The following PCBP3 variants were observed in gnomAD, a reference collection of about 807,000 sequenced individuals.
PCBP3 encodes poly(rC)-binding protein 3.
Under a neutral mutation model 52.7 loss-of-function variants are expected in PCBP3, and 25 were observed. That is an observed-to-expected ratio of 0.47 (90% CI 0.35 to 0.66). The LOEUF (loss-of-function observed/expected upper bound fraction) is 0.66. Among genes scored for constraint, PCBP3 ranks in the 30% least tolerant of loss-of-function variants. The probability of loss-of-function intolerance (pLI) is 0.01; values close to 1 mark genes in which losing one functional copy is unlikely to be tolerated. For missense variants in PCBP3, 391 were observed against 490.3 expected (o/e 0.80, Z 1.91); for synonymous variants, 162 against 183.0 (o/e 0.89, Z 0.93).
At chr21:45,734,990 G>T (rs1370539515) in intron 2 of PCBP3, among the ~76,000 whole-genome samples, 1 of 152,212 alleles carries the variant, frequency 6.6e-6, no homozygotes, top group Admixed American at 6.5e-5. Context: ...CCTTCAGGGT[G>T]GAGCCGAGAC....
In PCBP3 at chr21:45,724,444, A is replaced by G. The variant is rs2084881662; in HGVS notation, c.-199-10948A>G. ...CTCTCTGCTTGTTCATCCTCTCCCA[A>G]CGGGGCAGCCCCAGAAGCCAACACT... On this transcript the variant is annotated intron_variant, in intron 2 of 17. Coordinates refer to ENST00000681687, the MANE Select transcript of PCBP3 (RefSeq NM_001384156.1). The surrounding 1 kb of genome is among the most constrained non-coding windows in gnomAD (Gnocchi z 5.3). Among the ~76,000 whole-genome samples the G allele has an allele frequency of 6.6e-6, 1 of 151,758 alleles. No individual in the cohort carries two copies. Among genetic ancestry groups the G allele is most frequent in the Non-Finnish European group, 1.5e-5 (1 of 67,940 alleles).
At chr21:45,855,078 C>T (rs1181931716) in intron 5 of PCBP3, among the ~76,000 whole-genome samples, 1 of 152,156 alleles carries the variant, frequency 6.6e-6, no homozygotes, top group African/African-American at 2.4e-5. Flanking sequence ...CCAGGAATGG[C>T]CAAGGGGGTC....
intron 3 of PCBP3, among the ~76,000 whole-genome samples, chr21:45,738,287 C>T (rs2086043470): frequency 6.9e-6 from 1 of 145,576 alleles, no homozygotes; most frequent in Non-Finnish European, 1.5e-5. Flanking sequence ...GACAGTCTAG[C>T]TCTGTCGCCC....
rs528148003 is a variant in PCBP3 at position 45,844,611 on chromosome 21, G to A, written c.-125-5350G>A. On this transcript the variant is annotated intron_variant, in intron 4 of 17. Transcript: ENST00000681687. ...GTGCTCCCTGCCAATGGTGCTCCCC[G>A]CGGCATGGTTCCACGCGCACCACAA... 7.2e-5 allele frequency among the ~76,000 whole-genome samples: 11 copies of A among 152,106 alleles called. No individual in the cohort carries two copies. In the East Asian group the frequency reaches 1.6e-3, roughly 22 times the overall value.
intron 2 of PCBP3, among the ~76,000 whole-genome samples, chr21:45,727,570 AT>A (rs1301478974): frequency 6.6e-6 from 1 of 152,144 alleles, no homozygotes; most frequent in Non-Finnish European, 1.5e-5. Flanking sequence ...CACAGGAGGA[AT>A]GGGTGAGGCA....
intron 2 of PCBP3, among the ~76,000 whole-genome samples, chr21:45,730,474 CTCATGACCA>C (rs2085371284): frequency 3.9e-5 from 6 of 151,938 alleles, no homozygotes; most frequent in Admixed American, 3.9e-4. Flanking sequence ...TTGAAAATAT[CTCATGACCA>C]CTTGAAAAGA....
intron 1 of PCBP3, among the ~76,000 whole-genome samples, chr21:45,649,284 C>A (rs2079527972): frequency 6.6e-6 from 1 of 152,102 alleles, no homozygotes; most frequent in East Asian, 1.9e-4. Flanking sequence ...AAGACCTGCC[C>A]CCATGATTCA....
rs570828441 is a variant in PCBP3 at position 45,817,705 on chromosome 21, G to A, written c.-125-32256G>A. On this transcript the variant is annotated intron_variant, in intron 4 of 17. Transcript: ENST00000681687. The surrounding 1 kb of genome is among the most constrained non-coding windows in gnomAD (Gnocchi z 4.3). ...TCCTGCACCCTGCTGTGCAATGCTC[G>A]AACACACTTGCTTCTTATTTCTGTC... Among the ~76,000 whole-genome samples, 7 of 152,220 alleles carry A rather than the reference G, an allele frequency of 4.6e-5. No homozygotes were observed. The highest frequency in any genetic ancestry group is 1.4e-4 in the African/African-American group (6 of 41,452).
intron 2 of PCBP3, among the ~76,000 whole-genome samples, chr21:45,685,118 AAG>A (rs2082077530): frequency 6.6e-6 from 1 of 152,222 alleles, no homozygotes; most frequent in Non-Finnish European, 1.5e-5. Flanking sequence ...TTTAAAAACA[AAG>A]AGAGGTGAAA....
intron 4 of PCBP3, among the ~76,000 whole-genome samples, chr21:45,845,708 A>G (rs1434419550): frequency 6.6e-6 from 1 of 151,956 alleles, no homozygotes; most frequent in Non-Finnish European, 1.5e-5. Flanking sequence ...ACCCGTTTGC[A>G]CATGTATGTG....
intron 4 of PCBP3, among the ~76,000 whole-genome samples, chr21:45,785,338 TGGGGGGG>T (rs2091040714): frequency 4.4e-5 from 5 of 112,372 alleles, no homozygotes; most frequent in Admixed American, 1.8e-4. Context: ...GGGAGGGAGG[TGGGGGGG>T]TCAGCCCCCC....
chr21:45,827,500 G>A lies in PCBP3; in HGVS notation c.-125-22461G>A, dbSNP rs2093339207. Among the ~76,000 whole-genome samples the A allele has an allele frequency of 6.6e-6, 1 of 152,046 alleles. No individual in the cohort carries two copies. Among genetic ancestry groups the A allele is most frequent in the African/African-American group, 2.4e-5 (1 of 41,396 alleles). ...GTTACCCAACAGGGCTTTTAAAAAA[G>A]ACATCATAAAGATGCTTCAGTGAGC... On this transcript the variant is annotated intron_variant, in intron 4 of 17. Transcript: ENST00000681687. This position sits in a 1 kb window ranked among gnomAD's most constrained non-coding sequence, Gnocchi z 4.3.
intron 6 of PCBP3, 71 bp from the exon 7 acceptor site, chr21:45,899,528 G>C: frequency 1.6e-6 from 2 of 1,220,256 alleles, no homozygotes; most frequent in Non-Finnish European, 2.4e-6. Flanking sequence ...GGTTTCGGTA[G>C]TGTCTGCCTC....
At chr21:45,906,918 G>A (rs2096225001) in intron 9 of PCBP3, among the ~76,000 whole-genome samples, 1 of 152,208 alleles carries the variant, frequency 6.6e-6, no homozygotes, top group Non-Finnish European at 1.5e-5. Context: ...CCAGGGTGTG[G>A]TGTACCTAAA....
chr21:45,768,338 T>G (rs1450931871), intron 4 of PCBP3, among the ~76,000 whole-genome samples: 1 of 152,236 alleles, frequency 6.6e-6, no homozygotes, highest in African/African-American at 2.4e-5. Flanking sequence ...ACGTCTGTTA[T>G]ATTGTGTTAT....
chr21:45,745,761 A>G (rs985911701), intron 3 of PCBP3, among the ~76,000 whole-genome samples: 1 of 152,222 alleles, frequency 6.6e-6, no homozygotes, highest in Non-Finnish European at 1.5e-5. Context: ...CTGCCTCCAT[A>G]GGCGAGGATG....
At chr21:45,705,526 G>A (rs146262402) in intron 2 of PCBP3, among the ~76,000 whole-genome samples, 4 of 152,278 alleles carry the variant, frequency 2.6e-5, no homozygotes, top group Non-Finnish European at 5.9e-5. Flanking sequence ...TTTACTGGGC[G>A]TGCACTTCTA....
Position 45,802,552 on chromosome 21 carries a change from G to A in PCBP3, c.-126+47100G>A, listed in dbSNP as rs540914015. On this transcript the variant is annotated intron_variant, in intron 4 of 17. Coordinates refer to ENST00000681687, the MANE Select transcript of PCBP3 (RefSeq NM_001384156.1). This position sits in a 1 kb window ranked among gnomAD's most constrained non-coding sequence, Gnocchi z 5.1. The stretch of plus-strand genomic sequence containing the variant: ...CAAAAGTGAGCCATGCTGGAGAAGG[G>A]ACAGGAGCCCCTGGGAGACGTAAGA... 1.3e-5 allele frequency among the ~76,000 whole-genome samples: 2 copies of A among 152,352 alleles called. No individual in the cohort carries two copies. The highest frequency in any genetic ancestry group is 4.8e-5 in the African/African-American group (2 of 41,596).
chr21:45,653,257 G>C (rs1246217755), intron 1 of PCBP3, among the ~76,000 whole-genome samples: 2 of 152,090 alleles, frequency 1.3e-5, no homozygotes, highest in African/African-American at 2.4e-5. Flanking sequence ...AGCTGAGTTG[G>C]TAAGCATGTT....
Sources: allele counts gnomAD v4.1 joint callset (sites outside exome capture counted in the v4.1 genomes callset), GRCh38; gene constraint gnomAD v4.1.1; non-coding constraint Gnocchi (gnomAD v3.1); transcripts MANE v1.5; gene names NCBI Gene and HGNC (gene_info 2026-07-23, HGNC 2026-07-21).